The following SLCO3A1 variants were observed in gnomAD, a reference collection of about 807,000 sequenced individuals.
The protein encoded by SLCO3A1 is solute carrier organic anion transporter family member 3A1, also known as PGE1 transporter.
A neutral mutation model predicts 63.1 loss-of-function variants in SLCO3A1; 27 were observed. The observed-to-expected ratio is 0.43, with a 90% CI of 0.32 to 0.59. The LOEUF (loss-of-function observed/expected upper bound fraction) is 0.59. Ranked by LOEUF, SLCO3A1 falls within the 20% of genes least tolerant of loss-of-function variation. The pLI, the probability that SLCO3A1 is intolerant of heterozygous loss-of-function variation, is 0.09. For synonymous variants in SLCO3A1, 473 were observed against 409.9 expected (o/e 1.15, Z -1.86); for missense variants, 773 against 945.8 (o/e 0.82, Z 2.40).
chr15:92,126,677 G>T (rs2047928253), intron 6 of SLCO3A1, among the ~76,000 whole-genome samples: 1 of 152,194 alleles, frequency 6.6e-6, no homozygotes, highest in African/African-American at 2.4e-5. Context: ...TCTGGCCCAT[G>T]GCAGGTGTTC....
chr15:92,069,795 G>A (rs1383204038), intron 2 of SLCO3A1, among the ~76,000 whole-genome samples: 1 of 152,158 alleles, frequency 6.6e-6, no homozygotes, highest in African/African-American at 2.4e-5. Flanking sequence ...TGAATCACTG[G>A]GGAAAGCCCT....
At chr15:92,024,321 G>C (rs1402748543) in intron 2 of SLCO3A1, among the ~76,000 whole-genome samples, 2 of 152,192 alleles carry the variant, frequency 1.3e-5, no homozygotes, top group African/African-American at 2.4e-5. Context: ...AGTAAAAAGG[G>C]AGAGGGCTTC....
At position 92,132,489 on chromosome 15, in the gene SLCO3A1, G is replaced by A. The variant is rs1016942646; in HGVS notation, c.1512+4000G>A. Reference sequence around the variant, plus strand: ...GTTAATTCTGTAAATTTCCTTTGGCGTGAATATATGGTCCAGATTGTTTCT... The same window carrying A: ...GTTAATTCTGTAAATTTCCTTTGGCATGAATATATGGTCCAGATTGTTTCT... On this transcript the variant is annotated intron_variant, in intron 7 of 9. Transcript: ENST00000318445. 3.4e-5 allele frequency among the ~76,000 whole-genome samples: 5 copies of A among 145,194 alleles called. 1 individual carries two copies. Among genetic ancestry groups the A allele is most frequent in the East Asian group, 1.9e-4 (1 of 5,178 alleles).
intron 2 of SLCO3A1, among the ~76,000 whole-genome samples, chr15:91,965,754 G>GTA (rs551546659): frequency 6.7e-6 from 1 of 150,288 alleles, no homozygotes; most frequent in Non-Finnish European, 1.5e-5. Context: ...GTGTGTGTGT[G>GTA]GAGGGAAATT....
Position 91,948,375 on chromosome 15 carries a change from C to T in SLCO3A1, c.646+31917C>T, listed in dbSNP as rs925447589. Among the ~76,000 whole-genome samples, 3 of 152,140 alleles carry T rather than the reference C, an allele frequency of 2.0e-5. No individual in the cohort carries two copies. Among genetic ancestry groups the T allele is most frequent in the Non-Finnish European group, 4.4e-5 (3 of 68,030 alleles). On this transcript the variant is annotated intron_variant, in intron 2 of 9. Coordinates refer to ENST00000318445, the MANE Select transcript of SLCO3A1 (RefSeq NM_013272.4). This position sits in a 1 kb window ranked among gnomAD's most constrained non-coding sequence, Gnocchi z 4.8. ...AGCTGTTGCCAAGTTTAGAAGTGGC[C>T]GCATGTGTGGTGCCAGCCACAGCAT... is the stretch of plus-strand genomic sequence containing the variant.
intron 2 of SLCO3A1, among the ~76,000 whole-genome samples, chr15:91,936,108 A>G (rs74028378): frequency 0.011 from 1,741 of 152,298 alleles, 37 homozygotes; most frequent in African/African-American, 0.039. Flanking sequence ...CCTCCCAGAT[A>G]CAACGGGAAT....
intron 2 of SLCO3A1, among the ~76,000 whole-genome samples, chr15:92,076,652 G>A (rs910387326): frequency 3.3e-5 from 5 of 152,100 alleles, no homozygotes; most frequent in Non-Finnish European, 5.9e-5. Flanking sequence ...GGCCTCCTTG[G>A]ACACTGTACA....
intron 8 of SLCO3A1, chr15:92,148,772 TACA>T (rs1344899779): frequency 6.6e-6 from 1 of 152,224 alleles, no homozygotes. Flanking sequence ...AAATTTTTAT[TACA>T]ACGTTAACTA....
At chr15:91,961,881 C>A (rs1485156202) in intron 2 of SLCO3A1, among the ~76,000 whole-genome samples, 1 of 152,190 alleles carries the variant, frequency 6.6e-6, no homozygotes, top group Non-Finnish European at 1.5e-5. Context: ...ATGGAAGGGA[C>A]CCAGCACATG....
intron 2 of SLCO3A1, among the ~76,000 whole-genome samples, chr15:92,010,224 C>T (rs2046354627): frequency 6.6e-6 from 1 of 152,066 alleles, no homozygotes; most frequent in African/African-American, 2.4e-5. Flanking sequence ...ATCTATGTAA[C>T]CTATTCAGTG....
At chr15:91,890,536 T>G (rs1398528811) in intron 1 of SLCO3A1, among the ~76,000 whole-genome samples, 1 of 152,220 alleles carries the variant, frequency 6.6e-6, no homozygotes, top group Non-Finnish European at 1.5e-5. Flanking sequence ...ATTCTTACTG[T>G]GCATTTCAAA....
intron 2 of SLCO3A1, among the ~76,000 whole-genome samples, chr15:92,057,696 T>G (rs771516049): frequency 1.3e-5 from 2 of 152,162 alleles, no homozygotes; most frequent in Non-Finnish European, 2.9e-5. Context: ...CGAGTTCTCC[T>G]AGAACCTCAT....
At chr15:91,947,365 G>T (rs78889995) in intron 2 of SLCO3A1, among the ~76,000 whole-genome samples, 1 of 152,168 alleles carries the variant, frequency 6.6e-6, no homozygotes, top group Non-Finnish European at 1.5e-5. Flanking sequence ...GGCCTTTCCC[G>T]AACAAGCTCC....
At chr15:92,144,553 G>A (rs55956389) in intron 7 of SLCO3A1, among the ~76,000 whole-genome samples, 48,633 of 152,068 alleles carry the variant, frequency 0.32, 8,113 homozygotes, top group Non-Finnish European at 0.35. Flanking sequence ...CTTACGCAAC[G>A]GTAACTTCTG....
chr15:91,880,395 C>CTGTGTGTGTG (rs71156619), intron 1 of SLCO3A1, among the ~76,000 whole-genome samples: 8,223 of 89,490 alleles, frequency 0.092, 349 homozygotes, highest in Non-Finnish European at 0.13. Context: ...CTCTCTCTCT[C>CTGTGTGTGTG]TCTCTCTCTC....
At chr15:92,167,201 G>A (rs1320095653), downstream of SLCO3A1, among the ~76,000 whole-genome samples, 1 of 152,200 alleles carries the variant, frequency 6.6e-6, no homozygotes, top group Non-Finnish European at 1.5e-5. Context: ...TATCTTGATG[G>A]CTTGGGAGAA....
intron 2 of SLCO3A1, among the ~76,000 whole-genome samples, chr15:91,922,631 C>T (rs992520611): frequency 4.6e-5 from 7 of 152,090 alleles, no homozygotes; most frequent in East Asian, 1.9e-4. Context: ...CTCCAAAGAA[C>T]GTGGATTGGG....
In SLCO3A1 at chr15:91,976,441, A is replaced by G. The variant is rs924282284; in HGVS notation, c.646+59983A>G. 3.3e-5 allele frequency among the ~76,000 whole-genome samples: 5 copies of G among 152,312 alleles called. No individual in the cohort carries two copies. In the East Asian group the frequency reaches 7.7e-4, roughly 23 times the overall value. On this transcript the variant is annotated intron_variant, in intron 2 of 9. Coordinates refer to ENST00000318445, the MANE Select transcript of SLCO3A1 (RefSeq NM_013272.4). Reference sequence around the variant, plus strand: ...GCGTATTTTACTTTAGACCAGCTACATTGCAAGTGCTCACTAGTCACATGT... The same window carrying G: ...GCGTATTTTACTTTAGACCAGCTACGTTGCAAGTGCTCACTAGTCACATGT...
chr15:92,056,337 G>A (rs1422864147), intron 2 of SLCO3A1, among the ~76,000 whole-genome samples: 4 of 132,706 alleles, frequency 3.0e-5, no homozygotes, highest in Admixed American at 1.8e-4. Context: ...CCCATCCTTT[G>A]CTCCTGCTTT....
Sources: allele counts gnomAD v4.1 joint callset (sites outside exome capture counted in the v4.1 genomes callset), GRCh38; gene constraint gnomAD v4.1.1; non-coding constraint Gnocchi (gnomAD v3.1); transcripts MANE v1.5; gene names NCBI Gene and HGNC (gene_info 2026-07-23, HGNC 2026-07-21).